The following SPAG9 variants were observed in gnomAD, a reference collection of about 807,000 sequenced individuals.
SPAG9 encodes the protein C-Jun-amino-terminal kinase-interacting protein 4.
In SPAG9, 35 loss-of-function variants were observed where a neutral mutation model predicts 166.5. The ratio of observed to expected loss-of-function variants is 0.21; its 90% CI spans 0.16 to 0.28. The LOEUF is 0.28. Ranked by LOEUF, SPAG9 falls within the 10% of genes least tolerant of loss-of-function variation. SPAG9 has a pLI of 1.00. For synonymous variants in SPAG9, 534 were observed against 565.5 expected (o/e 0.94, Z 0.79); for missense variants, 1,235 against 1,603.3 (o/e 0.77, Z 3.92).
intron 6 of SPAG9, 30 bp downstream of exon 6, chr17:51,031,651 T>C (rs956756768): frequency 2.2e-5 from 33 of 1,529,252 alleles, no homozygotes; most frequent in South Asian, 8.4e-5. Flanking sequence ...AGTATACTTT[T>C]TGCAAAATGT....
chr17:50,981,473 T>C (rs1169466376), intron 25 of SPAG9, among the ~76,000 whole-genome samples: 1 of 147,240 alleles, frequency 6.8e-6, no homozygotes, highest in Admixed American at 6.9e-5. Flanking sequence ...TATAAACAGA[T>C]ACACAGATAA....
chr17:51,067,487 T>C (rs1423951597), intron 2 of SPAG9, among the ~76,000 whole-genome samples: 1 of 152,252 alleles, frequency 6.6e-6, no homozygotes, highest in Non-Finnish European at 1.5e-5. Flanking sequence ...TATTGTTGCA[T>C]TCCATTTGAA....
At chr17:51,062,715 T>C (rs918596801) in intron 2 of SPAG9, among the ~76,000 whole-genome samples, 9 of 152,262 alleles carry the variant, frequency 5.9e-5, no homozygotes, top group African/African-American at 1.9e-4. Context: ...CTCAGCCTTC[T>C]GAGTAGCTGG....
chr17:50,972,985 T>C (rs1567950258), intron 28 of SPAG9, among the ~76,000 whole-genome samples: 1 of 152,244 alleles, frequency 6.6e-6, no homozygotes, highest in Non-Finnish European at 1.5e-5. Flanking sequence ...TGCTTCAGTA[T>C]TGTTTTTAAT....
chr17:51,063,411 C>CA (rs143437430), intron 2 of SPAG9, among the ~76,000 whole-genome samples: 4,592 of 97,888 alleles, frequency 0.047, 178 homozygotes, highest in African/African-American at 0.13. Flanking sequence ...GACTACATCT[C>CA]AAAAAAAAAA....
chr17:51,062,344 T>C (rs2047540889), intron 2 of SPAG9, among the ~76,000 whole-genome samples: 2 of 152,160 alleles, frequency 1.3e-5, no homozygotes, highest in South Asian at 4.1e-4. Context: ...CTACAGCTTT[T>C]GACAAAAATA....
At chr17:51,074,765 G>C (rs987221741) in intron 2 of SPAG9, among the ~76,000 whole-genome samples, 1 of 152,028 alleles carries the variant, frequency 6.6e-6, no homozygotes, top group Non-Finnish European at 1.5e-5. Context: ...TTTGGAGAGA[G>C]GAATGAGAAG....
At chr17:51,065,551 T>C (rs2047639310) in intron 2 of SPAG9, among the ~76,000 whole-genome samples, 1 of 152,206 alleles carries the variant, frequency 6.6e-6, no homozygotes, top group African/African-American at 2.4e-5. Context: ...AATAGGCAGA[T>C]GGTTGCTAAG....
At chr17:51,051,879 T>C (rs1028356350) in intron 3 of SPAG9, among the ~76,000 whole-genome samples, 3 of 152,308 alleles carry the variant, frequency 2.0e-5, no homozygotes, top group Admixed American at 6.5e-5. Flanking sequence ...TGAGAATGCA[T>C]TCAAACACTC....
chr17:51,028,250 T>A (rs1257715721), intron 6 of SPAG9, among the ~76,000 whole-genome samples: 1 of 152,128 alleles, frequency 6.6e-6, no homozygotes, highest in Non-Finnish European at 1.5e-5. Context: ...AAGGTTAATT[T>A]ATTATTGAAG....
intron 12 of SPAG9, among the ~76,000 whole-genome samples, chr17:51,004,359 G>C (rs1031227299): frequency 2.6e-5 from 4 of 152,174 alleles, no homozygotes; most frequent in Non-Finnish European, 5.9e-5. Context: ...AAAAAACAGA[G>C]ACTGAAGGGG....
At chr17:51,038,240 T>A (rs994691826) in intron 5 of SPAG9, among the ~76,000 whole-genome samples, 2 of 152,108 alleles carry the variant, frequency 1.3e-5, no homozygotes, top group African/African-American at 4.8e-5. Flanking sequence ...TTCAAATTTG[T>A]GAGCACTGAT....
chr17:51,057,394 T>G (rs779454450), intron 2 of SPAG9, among the ~76,000 whole-genome samples: 1 of 152,164 alleles, frequency 6.6e-6, no homozygotes, highest in African/African-American at 2.4e-5. Context: ...TAGTTGAAAA[T>G]GTTCCCTGGG....
chr17:51,005,832 C>G (rs973384689), intron 11 of SPAG9, among the ~76,000 whole-genome samples: 3 of 152,236 alleles, frequency 2.0e-5, no homozygotes, highest in Non-Finnish European at 4.4e-5. Flanking sequence ...GCCTGGGCAA[C>G]AGGAGTGAGA....
At chr17:51,066,321 G>A (rs528686888) in intron 2 of SPAG9, among the ~76,000 whole-genome samples, 1 of 151,852 alleles carries the variant, frequency 6.6e-6, no homozygotes, top group Non-Finnish European at 1.5e-5. Context: ...ATGTTGCCCA[G>A]GCTGGTCTCG....
chr17:51,046,756 T>G, intron 4 of SPAG9: 1 of 1,535,402 alleles, frequency 6.5e-7, no homozygotes. Flanking sequence ...TTCAGCTTGC[T>G]GCCACAAAAA....
Position 50,984,598 on chromosome 17 carries a change from G to GC in SPAG9, c.3088+324_3088+325insG, listed in dbSNP as rs1435449300. ...CTACTCGGGAGGCTGAGGCAGGAGAGTGGTGTGAACCCGGGAGGCGGAGCT... is the reference window on the plus strand; with the variant it reads ...CTACTCGGGAGGCTGAGGCAGGAGAGCTGGTGTGAACCCGGGAGGCGGAGCT... On this transcript the variant is annotated intron_variant, in intron 24 of 29. Transcript: ENST00000262013. Among the ~76,000 whole-genome samples the GC allele has an allele frequency of 8.5e-5, 13 of 152,266 alleles. No individual in the cohort carries two copies. In the East Asian group the frequency reaches 2.5e-3, roughly 29 times the overall value.
intron 19 of SPAG9, among the ~76,000 whole-genome samples, chr17:50,991,844 G>A (rs1221858842): frequency 1.3e-5 from 2 of 148,598 alleles, no homozygotes; most frequent in Admixed American, 6.8e-5. Flanking sequence ...GGCTGGTCTC[G>A]AACTCCTGAC....
At chr17:51,103,230 C>T (rs2048853633) in intron 1 of SPAG9, among the ~76,000 whole-genome samples, 1 of 152,114 alleles carries the variant, frequency 6.6e-6, no homozygotes, top group Non-Finnish European at 1.5e-5. Flanking sequence ...GCATATCCAT[C>T]CATCCAACCA....
Sources: gnomAD v4.1 joint callset for allele counts (sites outside exome capture counted in the v4.1 genomes callset) on GRCh38, gnomAD v4.1.1 for gene constraint, MANE v1.5 for transcripts, NCBI Gene and HGNC (gene_info 2026-07-23, HGNC 2026-07-21) for gene names.